ZMYM2: variants seen among roughly 807,000 people sequenced by gnomAD.
ZMYM2 encodes the protein zinc finger MYM-type containing 2.
ZMYM2 carries 56 observed loss-of-function variants against 162.8 expected under a neutral mutation model. The ratio of observed to expected loss-of-function variants is 0.34; its 90% CI spans 0.28 to 0.43. ZMYM2 has a LOEUF of 0.43. ZMYM2 is among the 20% of genes least tolerant of loss of function. The pLI, the probability that ZMYM2 is intolerant of heterozygous loss-of-function variation, is 1.00. For synonymous variants in ZMYM2, 510 were observed against 541.6 expected (o/e 0.94, Z 0.81); for missense variants, 1,275 against 1,621.8 (o/e 0.79, Z 3.67).
At chr13:20,011,244 A>G (rs1057091340) in intron 6 of ZMYM2, among the ~76,000 whole-genome samples, 5 of 152,170 alleles carry the variant, frequency 3.3e-5, no homozygotes, top group African/African-American at 9.7e-5. Flanking sequence ...AGTTCTTTAT[A>G]TCTTGTACAG....
the ZMYM2 span, among the ~76,000 whole-genome samples, chr13:19,922,792 C>G: frequency 6.6e-6 from 1 of 151,830 alleles, no homozygotes; most frequent in Non-Finnish European, 1.5e-5. Context: ...TACAGTGAGC[C>G]GAGATCCCAC....
the ZMYM2 span, among the ~76,000 whole-genome samples, chr13:19,923,920 C>T: frequency 6.6e-6 from 1 of 152,044 alleles, no homozygotes; most frequent in Non-Finnish European, 1.5e-5. Flanking sequence ...ATCCACCCAC[C>T]TCGGCCTCAC....
At chr13:20,043,342 G>A (rs919838017) in intron 12 of ZMYM2, among the ~76,000 whole-genome samples, 7 of 152,226 alleles carry the variant, frequency 4.6e-5, no homozygotes, top group Non-Finnish European at 5.9e-5. Flanking sequence ...TGTGCCAGCA[G>A]CAGTGCAGCG....
At chr13:19,983,977 A>G (rs887021899) in intron 2 of ZMYM2, among the ~76,000 whole-genome samples, 7 of 152,178 alleles carry the variant, frequency 4.6e-5, no homozygotes, top group South Asian at 2.1e-4. Flanking sequence ...ACTCAGAACT[A>G]TTATAAGTGC....
chr13:19,951,626 T>A, the ZMYM2 span, among the ~76,000 whole-genome samples: 5 of 150,480 alleles, frequency 3.3e-5, no homozygotes, highest in Non-Finnish European at 7.4e-5. Context: ...CGCTTGAACC[T>A]GGGAGGTGGG....
At chr13:19,942,209 G>T in the ZMYM2 span, among the ~76,000 whole-genome samples, 2 of 151,888 alleles carry the variant, frequency 1.3e-5, no homozygotes, top group African/African-American at 4.8e-5. Flanking sequence ...GGTCTAGAAA[G>T]TTACAAATTT....
At chr13:19,963,428 A>C (rs913263383) in intron 2 of ZMYM2, among the ~76,000 whole-genome samples, 2 of 152,246 alleles carry the variant, frequency 1.3e-5, no homozygotes, top group African/African-American at 4.8e-5. Flanking sequence ...TTGCTGTTGG[A>C]TAAATCCATG....
intron 2 of ZMYM2, among the ~76,000 whole-genome samples, chr13:19,968,748 C>T (rs1015201532): frequency 6.6e-6 from 1 of 152,164 alleles, no homozygotes; most frequent in Non-Finnish European, 1.5e-5. Context: ...TGACATTGCT[C>T]ATTTTGCAAA....
chr13:19,978,534 A>T (rs948133730), intron 2 of ZMYM2, among the ~76,000 whole-genome samples: 2 of 151,926 alleles, frequency 1.3e-5, no homozygotes, highest in African/African-American at 4.8e-5. Context: ...CTCCTGCCTC[A>T]GCCTGCCGAG....
At chr13:19,896,082 A>G in the ZMYM2 span, among the ~76,000 whole-genome samples, 4,213 of 146,834 alleles carry the variant, frequency 0.029, 88 homozygotes, top group Middle Eastern at 0.085. Flanking sequence ...CATTTTAGCT[A>G]TTGTGAATAA....
At chr13:19,900,413 C>T in the ZMYM2 span, among the ~76,000 whole-genome samples, 1 of 152,124 alleles carries the variant, frequency 6.6e-6, no homozygotes, top group South Asian at 2.1e-4. Context: ...CGTATCTGAA[C>T]AGGCCTATTA....
intron 2 of ZMYM2, among the ~76,000 whole-genome samples, chr13:19,986,198 A>C (rs574568184): frequency 8.6e-5 from 13 of 151,944 alleles, no homozygotes; most frequent in East Asian, 3.9e-4. Flanking sequence ...CTCTCTCAAA[A>C]AAACAAACAA....
intron 2 of ZMYM2, among the ~76,000 whole-genome samples, chr13:19,989,713 C>T (rs1221266701): frequency 6.6e-6 from 1 of 152,216 alleles, no homozygotes; most frequent in Non-Finnish European, 1.5e-5. Context: ...TTATTATTGA[C>T]TATAGTCACC....
At chr13:19,898,243 T>C in the ZMYM2 span, among the ~76,000 whole-genome samples, 17 of 152,170 alleles carry the variant, frequency 1.1e-4, no homozygotes, top group African/African-American at 4.1e-4. Context: ...CACTCTTTTT[T>C]TTTTTTTGAG....
chr13:19,917,595 T>TA, the ZMYM2 span, among the ~76,000 whole-genome samples: 609 of 76,852 alleles, frequency 7.9e-3, 1 homozygote, highest in South Asian at 0.023. Flanking sequence ...CATCTCAAAT[T>TA]TAAAAAAAAA....
At chr13:19,912,690 A>G in the ZMYM2 span, among the ~76,000 whole-genome samples, 1 of 152,300 alleles carries the variant, frequency 6.6e-6, no homozygotes, top group Non-Finnish European at 1.5e-5. Flanking sequence ...TTGGTCCATT[A>G]CATTGATGGT....
the ZMYM2 span, among the ~76,000 whole-genome samples, chr13:19,947,035 TTTTA>T: frequency 2.0e-5 from 3 of 151,744 alleles, no homozygotes; most frequent in South Asian, 2.1e-4. Context: ...TTATTTTTAT[TTTTA>T]TTTATTTATT....
At chr13:19,926,667 A>G in the ZMYM2 span, among the ~76,000 whole-genome samples, 2 of 151,818 alleles carry the variant, frequency 1.3e-5, no homozygotes, top group African/African-American at 4.8e-5. Flanking sequence ...CCCAGTCTCT[A>G]TTTTTATTTT....
chr13:20,027,178 C>T, intron 8 of ZMYM2, 25 bp from the exon 9 acceptor site: 1 of 1,487,016 alleles, frequency 6.7e-7, no homozygotes, highest in Non-Finnish European at 9.0e-7. Context: ...ATAAACAAAT[C>T]AGATATGTAC....
Sources: allele counts gnomAD v4.1 joint callset (sites outside exome capture counted in the v4.1 genomes callset), GRCh38; gene constraint gnomAD v4.1.1; transcripts MANE v1.5; gene names NCBI Gene and HGNC (gene_info 2026-07-23, HGNC 2026-07-21).